RITA1: variants seen among roughly 807,000 people sequenced by gnomAD.
The protein encoded by RITA1 is RBPJ-interacting and tubulin-associated protein 1.
Under a neutral mutation model 8.7 loss-of-function variants are expected in RITA1, and 15 were observed. The ratio of observed to expected loss-of-function variants is 1.72; its 90% CI spans 1.15 to 2.65. RITA1 has a LOEUF of 2.65. RITA1 is among the 30% of genes most tolerant of loss of function. The pLI is 0.00. For synonymous variants in RITA1, 145 were observed against 156.2 expected, an observed-to-expected ratio of 0.93 and a Z score of 0.53; for missense variants, 330 against 363.8, an observed-to-expected ratio of 0.91 and a Z score of 0.76.
At position 113,191,791 on chromosome 12, in the gene RITA1, C is replaced by G. The variant is rs748428598; in HGVS notation, c.784C>G (p.Gln262Glu). 6.2e-7 allele frequency: 1 copy of G among 1,608,528 alleles called. No homozygotes were observed. Among genetic ancestry groups the G allele is most frequent in the South Asian group, 1.1e-5 (1 of 90,758 alleles). The change falls in exon 4 of 4, where the codon CAG becomes GAG. Residue 262 changes from glutamine (Q) to glutamate (E), a missense_variant. Transcript: ENST00000548278. The surrounding 1 kb of genome is among the most constrained non-coding windows in gnomAD (Gnocchi z 4.0). ...TACCCCACGACGAGGTGGGGCCACC[C>G]AGAAACCAAAGCCCCCTTGGAAATG... ...PSTPRRGGAT[Q>E]KPKPPWK
rs11544008 is a variant in RITA1 at position 113,185,754 on chromosome 12, A to T, written c.-464A>T. ...TGGCTGCTCCCTGGTTGCTGGGTGCAAAGTGCTGGGTTCTGGGTTTCTGGA... is the reference window on the plus strand; with the variant it reads ...TGGCTGCTCCCTGGTTGCTGGGTGCTAAGTGCTGGGTTCTGGGTTTCTGGA... On this transcript the variant is annotated 5_prime_UTR_variant, in exon 1 of 4. Transcript: ENST00000548278. 54,010 of 584,286 alleles carry T rather than the reference A, an allele frequency of 0.092. 3,307 individuals are homozygous for T. The highest frequency in any genetic ancestry group is 0.24 in the East Asian group (8,190 of 33,770). The allele number at this position is 584,286 out of a possible 1,614,324, so 36.2% of individuals were successfully genotyped here. A position where few individuals can be genotyped will look rare whatever the true frequency, so the allele number is the denominator to read the frequency against.
Position 113,189,155 on chromosome 12 carries a change from A to G in RITA1, c.302+2107A>G, listed in dbSNP as rs186529190. Among the ~76,000 whole-genome samples the G allele has an allele frequency of 1.1e-4, 17 of 152,162 alleles. No individual in the cohort carries two copies. In the East Asian group the frequency reaches 2.7e-3, roughly 24 times the overall value. ...AATCTAAATAATTAAGGCCAAGTGT[A>G]GAGACATTTGGGGTTAGGGCTTCAA... On this transcript the variant is annotated intron_variant, in intron 3 of 3. Coordinates refer to ENST00000548278, the MANE Select transcript of RITA1 (RefSeq NM_032848.3).
chr12:113,190,612 A>G (rs1359088908), intron 3 of RITA1, among the ~76,000 whole-genome samples: 4 of 152,204 alleles, frequency 2.6e-5, no homozygotes, highest in Non-Finnish European at 5.9e-5. Flanking sequence ...CTGTGCCACT[A>G]CACTCCACTT....
chr12:113,186,762 G>C lies in RITA1; in HGVS notation c.16G>C (p.Glu6Gln). 1 of 1,613,276 alleles carries C rather than the reference G, an allele frequency of 6.2e-7. No homozygotes were observed. The highest frequency in any genetic ancestry group is 8.5e-7 in the Non-Finnish European group (1 of 1,179,778). ...CACAGGCAGCATGAAGACCCCCGTG[G>C]AGCTGGCCGTCAGTGGGATGCAGAC... MKTPV[E>Q]LAVSGMQTLG... The change falls in exon 3 of 4, where the codon GAG becomes CAG. Residue 6 changes from glutamate to glutamine, a missense_variant. Transcript: ENST00000548278.
chr12:113,191,309 G>GACCCATCAGCCAC lies in RITA1; in HGVS notation c.307_319dup (p.Pro107HisfsTer9). The GACCCATCAGCCAC allele has an allele frequency of 6.6e-7, 1 of 1,513,290 alleles. No individual in the cohort carries two copies. Among genetic ancestry groups the GACCCATCAGCCAC allele is most frequent in the Non-Finnish European group, 8.9e-7 (1 of 1,129,908 alleles). The allele number at this position is 1,513,290 out of a possible 1,614,324, so 93.7% of individuals were successfully genotyped here. A position where few individuals can be genotyped will look rare whatever the true frequency, so the allele number is the denominator to read the frequency against. ...CATGGCGTTTATCTTCCATTTGCCA[G>GACCCATCAGCCAC]ACCCATCAGCCACACCCCGTCTTAC... On this transcript the variant is annotated frameshift_variant and splice_region_variant. Coordinates refer to ENST00000548278, the MANE Select transcript of RITA1 (RefSeq NM_032848.3). LOFTEE classifies it high-confidence loss of function. This position sits in a 1 kb window ranked among gnomAD's most constrained non-coding sequence, Gnocchi z 4.0.
At chr12:113,187,212 T>C in intron 3 of RITA1, 164 bp downstream of exon 3, 1 of 705,382 alleles carries the variant, frequency 1.4e-6, no homozygotes, top group African/African-American at 1.8e-5. Flanking sequence ...CCTAGGGGGA[T>C]TGTTGATGGA....
chr12:113,185,891 G>A lies in RITA1; in HGVS notation c.-327G>A. ...GGGTCCGGGGCCCCAGGCATTCCGG[G>A]CTGCAGATTGACGGGGATCCCGGAT... is the stretch of plus-strand genomic sequence containing the variant. On this transcript the variant is annotated 5_prime_UTR_variant, in exon 1 of 4. Transcript: ENST00000548278. 1 of 1,407,710 alleles carries A rather than the reference G, an allele frequency of 7.1e-7. No individual in the cohort carries two copies. Among genetic ancestry groups the A allele is most frequent in the Non-Finnish European group, 9.6e-7 (1 of 1,043,844 alleles). 87.2% of individuals were successfully genotyped at this position (1,407,710 alleles called of 1,614,324 possible). A position where few individuals can be genotyped will look rare whatever the true frequency, so the allele number is the denominator to read the frequency against.
In RITA1 at chr12:113,186,998, C is replaced by A. The variant is rs754964716; in HGVS notation, c.252C>A (p.Pro84=). Residue 84 remains proline, a synonymous_variant, in exon 3 of 4, where the codon CCC becomes CCA. Transcript: ENST00000548278. The part of the protein sequence containing the change: ...LGAKGSCETT[P]SRGSTPTLTP... ...CAAAGGGGAGCTGTGAGACCACCCCCTCAAGGGGCAGCACCCCCACCCTCA... is the reference window on the plus strand; with the variant it reads ...CAAAGGGGAGCTGTGAGACCACCCCATCAAGGGGCAGCACCCCCACCCTCA... 9 of 1,610,972 alleles carry A rather than the reference C, an allele frequency of 5.6e-6. No homozygotes were observed. The South Asian group carries it at 9.9e-5, about 18-fold the overall frequency.
chr12:113,186,196 T>G lies in RITA1; in HGVS notation c.-185T>G. 7.5e-7 allele frequency: 1 copy of G among 1,328,374 alleles called. No individual in the cohort carries two copies. The highest frequency in any genetic ancestry group is 2.6e-5 in the East Asian group (1 of 38,964). The allele number at this position is 1,328,374 out of a possible 1,614,324, so 82.3% of individuals were successfully genotyped here. A position where few individuals can be genotyped will look rare whatever the true frequency, so the allele number is the denominator to read the frequency against. ...TTCCACCGTTTTAGCTTTATAGGTG[T>G]GACCTACACATGTGACTTCACCTCA... is the stretch of plus-strand genomic sequence containing the variant. On this transcript the variant is annotated 5_prime_UTR_variant, in exon 2 of 4. Coordinates refer to ENST00000548278, the MANE Select transcript of RITA1 (RefSeq NM_032848.3).
rs1442073440 is a variant in RITA1, at chr12:113,191,689, C to G, written c.682C>G (p.Pro228Ala). ...PHTNGPQDLRPSTSGVTFRSP... is the reference protein window; with the variant it reads ...PHTNGPQDLRASTSGVTFRSP... Reference sequence around the variant, plus strand: ...CACAAATGGGCCTCAGGATCTCAGGCCTTCCACGTCAGGGGTGACCTTCCG... The same window carrying G: ...CACAAATGGGCCTCAGGATCTCAGGGCTTCCACGTCAGGGGTGACCTTCCG... The change falls in exon 4 of 4, where the codon CCT (proline) becomes GCT (alanine). Residue 228 changes from proline to alanine, a missense_variant. Transcript: ENST00000548278. The surrounding 1 kb of genome is among the most constrained non-coding windows in gnomAD (Gnocchi z 4.0). The G allele has an allele frequency of 1.2e-6, 2 of 1,614,144 alleles. No individual in the cohort carries two copies. Among genetic ancestry groups the G allele is most frequent in the Admixed American group, 1.7e-5 (1 of 60,024 alleles).
chr12:113,191,332 T>TA lies in RITA1; in HGVS notation c.326dup (p.Tyr109Ter), dbSNP rs1952598424. Residue 109 changes from tyrosine to a stop codon, truncating the protein, a stop_gained and frameshift_variant, in exon 4 of 4, where the codon TAC becomes TAAC. Coordinates refer to ENST00000548278, the MANE Select transcript of RITA1 (RefSeq NM_032848.3). LOFTEE classifies it low-confidence loss of function (END_TRUNC). This position sits in a 1 kb window ranked among gnomAD's most constrained non-coding sequence, Gnocchi z 4.0. ...KYRPISHTPS[Y>*]CDESLFGSRS... Reference sequence around the variant, plus strand: ...CAGACCCATCAGCCACACCCCGTCTTACTGTGATGAGTCGCTGTTTGGCTC... The same window carrying TA: ...CAGACCCATCAGCCACACCCCGTCTTAACTGTGATGAGTCGCTGTTTGGCTC... 2 of 1,547,686 alleles carry TA rather than the reference T, an allele frequency of 1.3e-6. No individual in the cohort carries two copies. Among genetic ancestry groups the TA allele is most frequent in the Admixed American group, 3.9e-5 (2 of 51,756 alleles).
chr12:113,192,009 G>A lies in RITA1; in HGVS notation c.*192G>A, dbSNP rs962350832. ...TAGTCGATTCTTGCCTTTTTCTCCC[G>A]ATTGCGGATTTGGGGGCCACCTCTA... On this transcript the variant is annotated 3_prime_UTR_variant, in exon 4 of 4. Coordinates refer to ENST00000548278, the MANE Select transcript of RITA1 (RefSeq NM_032848.3). The A allele has an allele frequency of 6.6e-6, 5 of 755,062 alleles. No individual in the cohort carries two copies. Among genetic ancestry groups the A allele is most frequent in the African/African-American group, 1.8e-5 (1 of 56,540 alleles). 46.8% of individuals were successfully genotyped at this position (755,062 alleles called of 1,614,324 possible).
At chr12:113,189,592 A>G (rs1335668664) in intron 3 of RITA1, among the ~76,000 whole-genome samples, 2 of 152,198 alleles carry the variant, frequency 1.3e-5, no homozygotes, top group African/African-American at 2.4e-5. Context: ...GCATTAGCCA[A>G]TGTGGTTTGA....
Position 113,191,585 on chromosome 12 carries a change from C to A in RITA1, c.578C>A (p.Pro193His). 6.2e-7 allele frequency: 1 copy of A among 1,614,116 alleles called. No individual in the cohort carries two copies. Among genetic ancestry groups the A allele is most frequent in the Non-Finnish European group, 8.5e-7 (1 of 1,179,998 alleles). ...ATGGGTGGGTTACACTCTTCACGCC[C>A]CCTGAAGCGGGGACTTTCCCATTCC... is the stretch of plus-strand genomic sequence containing the variant. ...LSMGGLHSSRPLKRGLSHSLT... is the reference protein window; with the variant it reads ...LSMGGLHSSRHLKRGLSHSLT... Residue 193 changes from proline (P) to histidine (H), a missense_variant, in exon 4 of 4, where the codon CCC (proline) becomes CAC (histidine). Coordinates refer to ENST00000548278, the MANE Select transcript of RITA1 (RefSeq NM_032848.3). This position sits in a 1 kb window ranked among gnomAD's most constrained non-coding sequence, Gnocchi z 4.0.
chr12:113,186,025 G>A lies in RITA1; in HGVS notation c.-197+4G>A, dbSNP rs1307692048. On this transcript the variant is annotated splice_donor_region_variant and intron_variant, in intron 1 of 3. Coordinates refer to ENST00000548278, the MANE Select transcript of RITA1 (RefSeq NM_032848.3). Reference sequence around the variant, plus strand: ...GCCTACGAGCCAAGATGCTCAGGTAGGAGAACAACCCAAAAATGCAGGGAC... The same window carrying A: ...GCCTACGAGCCAAGATGCTCAGGTAAGAGAACAACCCAAAAATGCAGGGAC... The A allele has an allele frequency of 6.5e-7, 1 of 1,535,902 alleles. No homozygotes were observed. The highest frequency in any genetic ancestry group is 2.4e-5 in the East Asian group (1 of 40,932).
chr12:113,191,688 G>A lies in RITA1; in HGVS notation c.681G>A (p.Arg227=). 1 of 1,614,116 alleles carries A rather than the reference G, an allele frequency of 6.2e-7. No individual in the cohort carries two copies. Among genetic ancestry groups the A allele is most frequent in the South Asian group, 1.1e-5 (1 of 91,088 alleles). ...APHTNGPQDL[R]PSTSGVTFRS... ...ACACAAATGGGCCTCAGGATCTCAG[G>A]CCTTCCACGTCAGGGGTGACCTTCC... Residue 227 remains arginine, a synonymous_variant, in exon 4 of 4, where the codon AGG becomes AGA. Transcript: ENST00000548278. This position sits in a 1 kb window ranked among gnomAD's most constrained non-coding sequence, Gnocchi z 4.0.
chr12:113,191,383 G>A lies in RITA1; in HGVS notation c.376G>A (p.Ala126Thr), dbSNP rs1157277343. The A allele has an allele frequency of 8.1e-6, 13 of 1,600,816 alleles. No individual in the cohort carries two copies. Among genetic ancestry groups the A allele is most frequent in the East Asian group, 2.2e-5 (1 of 44,652 alleles). ...CCGATCTGAAGGCGCCAGCTTCGGG[G>A]CCCCGCGGATGGCGAAGGGGGATGC... is the stretch of plus-strand genomic sequence containing the variant. ...GSRSEGASFG[A>T]PRMAKGDAAK... The change falls in exon 4 of 4, where the codon GCC (alanine) becomes ACC (threonine). Residue 126 changes from alanine to threonine, a missense_variant. Coordinates refer to ENST00000548278, the MANE Select transcript of RITA1 (RefSeq NM_032848.3). This position sits in a 1 kb window ranked among gnomAD's most constrained non-coding sequence, Gnocchi z 4.0.
intron 3 of RITA1, among the ~76,000 whole-genome samples, chr12:113,188,837 G>A (rs1207795267): frequency 6.7e-5 from 6 of 89,392 alleles, no homozygotes; most frequent in Non-Finnish European, 1.2e-4. Context: ...TTGAGATGGA[G>A]TCTGGCTCTG....
chr12:113,187,127 TC>T, intron 3 of RITA1, 79 bp downstream of exon 3: 1 of 1,406,686 alleles, frequency 7.1e-7, no homozygotes, highest in East Asian at 2.5e-5. Context: ...GTTCACCTGC[TC>T]TGTGACCTTG....
Sources: allele counts gnomAD v4.1 joint callset (sites outside exome capture counted in the v4.1 genomes callset), GRCh38; gene constraint gnomAD v4.1.1; non-coding constraint Gnocchi (gnomAD v3.1); transcripts MANE v1.5; gene names NCBI Gene and HGNC (gene_info 2026-07-23, HGNC 2026-07-21).